SLC24A3: variants seen among roughly 807,000 people sequenced by gnomAD.
The protein encoded by SLC24A3 is solute carrier family 24 member 3.
SLC24A3 carries 28 observed loss-of-function variants against 75.8 expected under a neutral mutation model. The ratio of observed to expected loss-of-function variants is 0.37; its 90% CI spans 0.27 to 0.51. The LOEUF is 0.51. Among genes scored for constraint, SLC24A3 ranks in the 20% least tolerant of loss-of-function variants. The probability of loss-of-function intolerance (pLI) is 0.94; values close to 1 mark genes in which losing one functional copy is unlikely to be tolerated. For missense variants in SLC24A3, 663 were observed against 847.8 expected, an observed-to-expected ratio of 0.78 and a Z score of 2.71; for synonymous variants, 372 against 334.1, an observed-to-expected ratio of 1.11 and a Z score of -1.24.
At chr20:19,312,314 C>T (rs922330184) in intron 2 of SLC24A3, among the ~76,000 whole-genome samples, 1 of 152,088 alleles carries the variant, frequency 6.6e-6, no homozygotes, top group South Asian at 2.1e-4. Context: ...GACAGTGTTC[C>T]AGGGAACTGG....
chr20:19,447,058 A>G (rs1261596481), intron 2 of SLC24A3, among the ~76,000 whole-genome samples: 1 of 152,164 alleles, frequency 6.6e-6, no homozygotes, highest in Non-Finnish European at 1.5e-5. Flanking sequence ...CTTGTTTAGA[A>G]AGAAATGGAA....
At chr20:19,644,420 C>G (rs1162986809) in intron 6 of SLC24A3, among the ~76,000 whole-genome samples, 1 of 152,152 alleles carries the variant, frequency 6.6e-6, no homozygotes. Flanking sequence ...CTGAGAGTTG[C>G]TTTTCTAACC....
At chr20:19,288,873 A>G (rs968239244) in intron 2 of SLC24A3, among the ~76,000 whole-genome samples, 7 of 152,324 alleles carry the variant, frequency 4.6e-5, no homozygotes, top group African/African-American at 1.7e-4. Context: ...ACACACATCC[A>G]TTTATGTGTT....
At position 19,693,473 on chromosome 20, in the gene SLC24A3, TA is replaced by T. The variant is rs775984694; in HGVS notation, c.1491+51del. The T allele has an allele frequency of 1.8e-5, 29 of 1,598,484 alleles. No individual in the cohort carries two copies. In the Admixed American group the frequency reaches 5.0e-4, roughly 28 times the overall value. The stretch of plus-strand genomic sequence containing the variant: ...GGCACTGTTAAATCTCTTTAGAGAA[TA>T]AAGAAGGGAATAAGAGTCAGGGTTT... On this transcript the variant is annotated intron_variant, in intron 13 of 16. Transcript: ENST00000328041.
intron 2 of SLC24A3, among the ~76,000 whole-genome samples, chr20:19,458,828 A>G (rs774664951): frequency 1.3e-5 from 2 of 152,140 alleles, no homozygotes; most frequent in Non-Finnish European, 2.9e-5. Context: ...TTTAAATAAG[A>G]ATTGTATTTA....
chr20:19,647,673 G>T (rs1365984521), intron 6 of SLC24A3, among the ~76,000 whole-genome samples: 1 of 152,218 alleles, frequency 6.6e-6, no homozygotes, highest in African/African-American at 2.4e-5. Flanking sequence ...CACTTAACAT[G>T]AAAACTGCAC....
intron 12 of SLC24A3, among the ~76,000 whole-genome samples, chr20:19,687,728 G>A (rs563946008): frequency 8.5e-5 from 13 of 152,304 alleles, no homozygotes; most frequent in South Asian, 8.3e-4. Context: ...CCTGGGCCTC[G>A]TTACTGATTG....
At chr20:19,593,502 G>T (rs1193475287) in intron 6 of SLC24A3, among the ~76,000 whole-genome samples, 1 of 152,162 alleles carries the variant, frequency 6.6e-6, no homozygotes, top group South Asian at 2.1e-4. Flanking sequence ...GTCTCGCAGC[G>T]TTACATATGT....
intron 15 of SLC24A3, among the ~76,000 whole-genome samples, chr20:19,713,745 T>C (rs1220706539): frequency 6.6e-6 from 1 of 152,176 alleles, no homozygotes; most frequent in African/African-American, 2.4e-5. Context: ...CCAGGCCCTG[T>C]TCAACAGTTT....
chr20:19,240,897 G>A (rs1399106767), intron 1 of SLC24A3, among the ~76,000 whole-genome samples: 1 of 152,166 alleles, frequency 6.6e-6, no homozygotes, highest in African/African-American at 2.4e-5. Flanking sequence ...GGACATGGGG[G>A]AAGCTGAGAG....
intron 2 of SLC24A3, among the ~76,000 whole-genome samples, chr20:19,350,305 A>T (rs1357871766): frequency 6.6e-6 from 1 of 152,130 alleles, no homozygotes; most frequent in Non-Finnish European, 1.5e-5. Flanking sequence ...ACTTTTACAA[A>T]TTTATTTCTG....
chr20:19,481,027 T>C (rs1295028314), intron 2 of SLC24A3, among the ~76,000 whole-genome samples: 2 of 152,236 alleles, frequency 1.3e-5, no homozygotes, highest in African/African-American at 2.4e-5. Context: ...CCTGGACTTA[T>C]AAAATTTGCT....
chr20:19,550,878 G>A (rs1437004536), intron 3 of SLC24A3, among the ~76,000 whole-genome samples: 1 of 152,192 alleles, frequency 6.6e-6, no homozygotes, highest in Non-Finnish European at 1.5e-5. Context: ...AGCAAATGAG[G>A]CCAGAGGTGA....
chr20:19,515,375 A>T, intron 2 of SLC24A3, 113 bp from the exon 3 acceptor site: 1 of 1,005,598 alleles, frequency 9.9e-7, no homozygotes, highest in Non-Finnish European at 1.5e-6. Flanking sequence ...AAGATTCAGG[A>T]TCTTTTTTTC....
chr20:19,311,199 C>T (rs778530444), intron 2 of SLC24A3, among the ~76,000 whole-genome samples: 6 of 151,978 alleles, frequency 3.9e-5, no homozygotes, highest in Non-Finnish European at 7.4e-5. Flanking sequence ...TTCAGATTTG[C>T]GAGGAATTTG....
chr20:19,517,532 C>T (rs1193499700), intron 3 of SLC24A3, among the ~76,000 whole-genome samples: 1 of 152,196 alleles, frequency 6.6e-6, no homozygotes, highest in East Asian at 1.9e-4. Flanking sequence ...TACTATCCTC[C>T]TTAAACACTT....
intron 3 of SLC24A3, among the ~76,000 whole-genome samples, chr20:19,541,933 G>A (rs1307726077): frequency 1.3e-5 from 2 of 152,158 alleles, no homozygotes; most frequent in Non-Finnish European, 1.5e-5. Context: ...TGAGTAAGGG[G>A]AGCAAGGAAC....
intron 1 of SLC24A3, among the ~76,000 whole-genome samples, chr20:19,252,884 A>G (rs1274706241): frequency 6.6e-6 from 1 of 152,228 alleles, no homozygotes; most frequent in African/African-American, 2.4e-5. Context: ...TAAATTCTAA[A>G]GAGACACATA....
At chr20:19,663,423 T>TCCA (rs1568689542) in intron 7 of SLC24A3, among the ~76,000 whole-genome samples, 5 of 16,892 alleles carry the variant, frequency 3.0e-4, no homozygotes, top group African/African-American at 1.1e-3. Context: ...CTCCTCCTCC[T>TCCA]CCTCCTCCTC....
Sources: allele counts gnomAD v4.1 joint callset (sites outside exome capture counted in the v4.1 genomes callset), GRCh38; gene constraint gnomAD v4.1.1; transcripts MANE v1.5; gene names NCBI Gene and HGNC (gene_info 2026-07-23, HGNC 2026-07-21).